TAOK3: variants seen among roughly 807,000 people sequenced by gnomAD.
The protein encoded by TAOK3 is serine/threonine-protein kinase TAO3.
TAOK3 carries 40 observed loss-of-function variants against 120.4 expected under a neutral mutation model. The observed-to-expected ratio is 0.33, with a 90% CI of 0.26 to 0.43. TAOK3 has a LOEUF of 0.43. Ranked by LOEUF, TAOK3 falls within the 20% of genes least tolerant of loss-of-function variation. TAOK3 has a pLI of 1.00. For synonymous variants in TAOK3, 355 were observed against 387.5 expected (o/e 0.92, Z 0.99); for missense variants, 821 against 1,112.1 (o/e 0.74, Z 3.72).
intron 11 of TAOK3, among the ~76,000 whole-genome samples, chr12:118,208,587 CAT>C (rs1365598421): frequency 6.2e-4 from 95 of 152,250 alleles, no homozygotes; most frequent in African/African-American, 2.2e-3. Context: ...TATCAGTCTT[CAT>C]ACTTTCACGG....
At position 118,280,826 on chromosome 12, in the gene TAOK3, T is replaced by C. The variant is rs530193724; in HGVS notation, c.-193-14067A>G. 5.9e-5 allele frequency among the ~76,000 whole-genome samples: 9 copies of C among 152,362 alleles called. No homozygotes were observed. The South Asian group carries it at 1.0e-3, about 18-fold the overall frequency. ...TAACAATATTAAGTCTTCCTATCCA[T>C]GAGTATGAAATGTTTTTCCATTTGT... On this transcript the variant is annotated intron_variant, in intron 1 of 20. Transcript: ENST00000392533.
chr12:118,171,178 T>G (rs949334701), intron 17 of TAOK3, among the ~76,000 whole-genome samples: 1 of 152,168 alleles, frequency 6.6e-6, no homozygotes, highest in East Asian at 1.9e-4. Flanking sequence ...AATTCCCATA[T>G]CTATTTGGTA....
chr12:118,179,090 C>T (rs1327669662), intron 15 of TAOK3, among the ~76,000 whole-genome samples: 16 of 152,210 alleles, frequency 1.1e-4, no homozygotes, highest in Non-Finnish European at 2.4e-4. Flanking sequence ...ATTTAATCAA[C>T]ATCATCCTTG....
intron 1 of TAOK3, among the ~76,000 whole-genome samples, chr12:118,306,508 A>C (rs2043057745): frequency 6.6e-6 from 1 of 152,102 alleles, no homozygotes; most frequent in Admixed American, 6.6e-5. Context: ...CACTTGGTTT[A>C]AATTTTTCTT....
chr12:118,216,651 A>G (rs61945181), intron 9 of TAOK3, among the ~76,000 whole-genome samples: 18,443 of 152,204 alleles, frequency 0.12, 1,206 homozygotes, highest in Middle Eastern at 0.15. Flanking sequence ...CTATCAGGCC[A>G]GGCACGGTGG....
At position 118,151,287 on chromosome 12, in the gene TAOK3, GCGCACACACA is replaced by G. The variant is rs1383758906; in HGVS notation, c.2536-139_2536-130del. On this transcript the variant is annotated intron_variant, in intron 20 of 20. Transcript: ENST00000392533. ...AGGCACACACATGAAGTGCGCGCGC[GCGCACACACA>G]CACACACACACACACACACACAGGA... 2.8e-4 allele frequency: 135 copies of G among 476,944 alleles called. 1 individual carries two copies. Among genetic ancestry groups the G allele is most frequent in the Middle Eastern group, 1.6e-3 (3 of 1,864 alleles). The allele number at this position is 476,944 out of a possible 1,614,324, so 29.5% of individuals were successfully genotyped here. A position where few individuals can be genotyped will look rare whatever the true frequency, so the allele number is the denominator to read the frequency against.
At chr12:118,361,469 T>C (rs2045595356) in intron 1 of TAOK3, among the ~76,000 whole-genome samples, 3 of 152,074 alleles carry the variant, frequency 2.0e-5, no homozygotes, top group South Asian at 2.1e-4. Context: ...TTTCTTTTTT[T>C]TTTTTTGAGA....
intron 15 of TAOK3, 152 bp from the exon 16 acceptor site, chr12:118,177,481 T>C (rs913077003): frequency 1.7e-6 from 1 of 585,400 alleles, no homozygotes; most frequent in Non-Finnish European, 2.7e-6. Context: ...TCTGATTTTC[T>C]TGTATCTTAA....
rs779863814 is a variant in TAOK3 at position 118,161,872 on chromosome 12, G to A, written c.2055C>T (p.Asn685=). The A allele has an allele frequency of 6.2e-7, 1 of 1,613,952 alleles. No individual in the cohort carries two copies. Among genetic ancestry groups the A allele is most frequent in the East Asian group, 2.2e-5 (1 of 44,868 alleles). Residue 685 remains asparagine (N), a synonymous_variant, in exon 18 of 21, where the codon AAC becomes AAT. Coordinates refer to ENST00000392533, the MANE Select transcript of TAOK3 (RefSeq NM_016281.4). The surrounding 1 kb of genome is among the most constrained non-coding windows in gnomAD (Gnocchi z 4.5). Reference sequence around the variant, plus strand: ...CTCGCCTCTTATTGTACTCCAGCTGGTTTTCCAGTTCCGTCTGGTGCTGTA... The same window carrying A: ...CTCGCCTCTTATTGTACTCCAGCTGATTTTCCAGTTCCGTCTGGTGCTGTA... ...IRLQHQTELE[N]QLEYNKRRER... is the part of the protein sequence containing the mutation.
chr12:118,224,201 G>A (rs2039391134), intron 9 of TAOK3, among the ~76,000 whole-genome samples: 2 of 152,148 alleles, frequency 1.3e-5, no homozygotes, highest in African/African-American at 2.4e-5. Flanking sequence ...CCAATCCTAT[G>A]AGACTCCAAG....
intron 1 of TAOK3, among the ~76,000 whole-genome samples, chr12:118,282,305 G>A (rs1024700443): frequency 9.2e-5 from 14 of 152,230 alleles, no homozygotes; most frequent in Admixed American, 2.0e-4. Context: ...CAAAAGGTCT[G>A]CCAGATGTGA....
At chr12:118,207,327 A>C (rs2038376718) in intron 11 of TAOK3, among the ~76,000 whole-genome samples, 1 of 147,806 alleles carries the variant, frequency 6.8e-6, no homozygotes, top group Admixed American at 7.0e-5. Flanking sequence ...ACTCCGTCTC[A>C]GGAAAAAAAA....
At position 118,160,949 on chromosome 12, in the gene TAOK3, TTAAGAGGTTGTG is replaced by T. The variant is rs2035179877; in HGVS notation, c.2140-603_2140-592del. Among the ~76,000 whole-genome samples the T allele has an allele frequency of 6.6e-6, 1 of 152,224 alleles. No individual in the cohort carries two copies. Among genetic ancestry groups the T allele is most frequent in the Non-Finnish European group, 1.5e-5 (1 of 68,030 alleles). On this transcript the variant is annotated intron_variant, in intron 18 of 20. Transcript: ENST00000392533. The surrounding 1 kb of genome is among the most constrained non-coding windows in gnomAD (Gnocchi z 4.2). Reference sequence around the variant, plus strand: ...AAGTGATTTAGAATTTTTTTCCCCATTAAGAGGTTGTGCTTGCATGTAGCAATATAAAATATG... The same window carrying T: ...AAGTGATTTAGAATTTTTTTCCCCATCTTGCATGTAGCAATATAAAATATG...
At chr12:118,342,583 T>C (rs1292939529) in intron 1 of TAOK3, among the ~76,000 whole-genome samples, 2 of 152,088 alleles carry the variant, frequency 1.3e-5, no homozygotes, top group African/African-American at 4.8e-5. Context: ...AAATAAAACA[T>C]GCAGTATAAA....
rs1336653356 is a variant in TAOK3, at chr12:118,244,949, G to A, written c.137C>T (p.Thr46Ile). The A allele has an allele frequency of 6.2e-7, 1 of 1,608,422 alleles. No homozygotes were observed. The highest frequency in any genetic ancestry group is 1.1e-5 in the South Asian group (1 of 90,986). The change falls in exon 4 of 21, where the codon ACC becomes ATC. Residue 46 changes from threonine to isoleucine, a missense_variant. By Grantham distance (89) the Thr-to-Ile change is moderately conservative. Coordinates refer to ENST00000392533, the MANE Select transcript of TAOK3 (RefSeq NM_016281.4). ...GAVYFATNAH[T>I]SEVVAIKKMS... ...CTTCTTAATTGCCACCACCTCACTG[G>A]TGTGAGCATTTGTAGCCTGTGTTAA...
At position 118,161,887 on chromosome 12, in the gene TAOK3, C is replaced by T. The variant is rs746435821; in HGVS notation, c.2040G>A (p.Gln680=). The T allele has an allele frequency of 2.1e-5, 34 of 1,614,040 alleles. No individual in the cohort carries two copies. The African/African-American group carries it at 2.9e-4, about 14-fold the overall frequency. ...LRMDLIRLQH[Q]TELENQLEYN... ...ACTCCAGCTGGTTTTCCAGTTCCGT[C>T]TGGTGCTGTAAACGGATCAGATCCA... The change falls in exon 18 of 21, where the codon CAG becomes CAA. Residue 680 remains glutamine, a synonymous_variant. Transcript: ENST00000392533. This position sits in a 1 kb window ranked among gnomAD's most constrained non-coding sequence, Gnocchi z 4.5.
At chr12:118,359,666 C>G (rs1446242046) in intron 1 of TAOK3, 1 of 152,152 alleles carries the variant, frequency 6.6e-6, no homozygotes, top group Non-Finnish European at 1.5e-5. Context: ...ACAGCGTGAT[C>G]TGGGTGCCAC....
intron 14 of TAOK3, among the ~76,000 whole-genome samples, chr12:118,183,547 T>C (rs1387026878): frequency 2.0e-5 from 3 of 152,164 alleles, no homozygotes; most frequent in Non-Finnish European, 2.9e-5. Flanking sequence ...GAAAATGTGT[T>C]TTTTTAATGG....
At chr12:118,322,068 A>G (rs2043729273) in intron 1 of TAOK3, among the ~76,000 whole-genome samples, 1 of 152,138 alleles carries the variant, frequency 6.6e-6, no homozygotes, top group South Asian at 2.1e-4. Context: ...TAATCCCAGC[A>G]CTTTGGGAGG....
Sources: allele counts gnomAD v4.1 joint callset (sites outside exome capture counted in the v4.1 genomes callset), GRCh38; gene constraint gnomAD v4.1.1; non-coding constraint Gnocchi (gnomAD v3.1); transcripts MANE v1.5; gene names NCBI Gene and HGNC (gene_info 2026-07-23, HGNC 2026-07-21).